ZNF804B: variants seen among roughly 807,000 people sequenced by gnomAD.
ZNF804B encodes zinc finger protein 804B.
In ZNF804B, 80 loss-of-function variants were observed where a neutral mutation model predicts 101.4. That is an observed-to-expected ratio of 0.79 (90% CI 0.66 to 0.95). The LOEUF is 0.95. Ranked by LOEUF, ZNF804B falls within the 40% of genes least tolerant of loss-of-function variation. ZNF804B has a pLI of 0.00. For missense variants in ZNF804B, 1,673 were observed against 1,561.9 expected (o/e 1.07, Z -1.20); for synonymous variants, 622 against 558.8 (o/e 1.11, Z -1.59).
intron 1 of ZNF804B, among the ~76,000 whole-genome samples, chr7:88,761,891 C>A (rs1789903044): frequency 6.6e-6 from 1 of 152,162 alleles, no homozygotes; most frequent in Non-Finnish European, 1.5e-5. Context: ...TTCTCTCCCA[C>A]TTTGGTCAGT....
intron 1 of ZNF804B, among the ~76,000 whole-genome samples, chr7:89,147,479 T>G (rs563624466): frequency 3.9e-5 from 6 of 152,092 alleles, no homozygotes; most frequent in Non-Finnish European, 8.8e-5. Context: ...TAAATCATTG[T>G]TTTAAATTAT....
chr7:89,335,747 C>T lies in ZNF804B; in HGVS notation c.2765C>T (p.Pro922Leu), dbSNP rs139821721. The change falls in exon 4 of 4, where the codon CCT (proline) becomes CTT (leucine). Residue 922 changes from proline to leucine, a missense_variant. Physicochemically the swap from Pro to Leu is moderately conservative, Grantham distance 98. Coordinates refer to ENST00000333190, the MANE Select transcript of ZNF804B (RefSeq NM_181646.5). ...ESNTAEGERTPLTAKILLERV... is the reference protein window; with the variant it reads ...ESNTAEGERTLLTAKILLERV... ...AACACTGCAGAAGGAGAGAGGACCCCTCTAACAGCAAAAATCCTTTTAGAA... is the reference window on the plus strand; with the variant it reads ...AACACTGCAGAAGGAGAGAGGACCCTTCTAACAGCAAAAATCCTTTTAGAA... 1.8e-4 allele frequency: 285 copies of T among 1,613,836 alleles called. No individual in the cohort carries two copies. The highest frequency in any genetic ancestry group is 8.0e-5 in the Non-Finnish European group (94 of 1,179,944).
At chr7:88,802,760 A>G (rs1421083309) in intron 1 of ZNF804B, among the ~76,000 whole-genome samples, 2 of 152,136 alleles carry the variant, frequency 1.3e-5, no homozygotes, top group East Asian at 3.9e-4. Context: ...GTGCTAAGGC[A>G]GAACATTGTG....
At chr7:88,864,778 C>A (rs189006323) in intron 1 of ZNF804B, among the ~76,000 whole-genome samples, 1 of 152,262 alleles carries the variant, frequency 6.6e-6, no homozygotes, top group Admixed American at 6.5e-5. Flanking sequence ...CAGGGGCCCA[C>A]AGGGTCAGTT....
At chr7:89,221,696 A>T (rs572093273) in intron 2 of ZNF804B, among the ~76,000 whole-genome samples, 55 of 57,296 alleles carry the variant, frequency 9.6e-4, no homozygotes, top group African/African-American at 4.1e-3. Context: ...CAATATTTCT[A>T]TTCTATTCTA....
chr7:88,811,081 CTAAA>C (rs1790778237), intron 1 of ZNF804B, among the ~76,000 whole-genome samples: 1 of 151,722 alleles, frequency 6.6e-6, no homozygotes, highest in Non-Finnish European at 1.5e-5. Flanking sequence ...AAAAAACAGA[CTAAA>C]TAGATACTAG....
intron 1 of ZNF804B, among the ~76,000 whole-genome samples, chr7:88,926,723 G>A (rs1428051783): frequency 6.6e-6 from 1 of 152,084 alleles, no homozygotes; most frequent in African/African-American, 2.4e-5. Flanking sequence ...TTCTTAGCTA[G>A]TGTTTCCTAA....
intron 1 of ZNF804B, among the ~76,000 whole-genome samples, chr7:88,931,704 G>T (rs913610322): frequency 3.3e-5 from 5 of 151,696 alleles, no homozygotes; most frequent in African/African-American, 7.3e-5. Flanking sequence ...AGTCCAGTCA[G>T]ATCTTGCTTA....
chr7:88,939,723 A>G (rs1428797196), intron 1 of ZNF804B, among the ~76,000 whole-genome samples: 2 of 151,944 alleles, frequency 1.3e-5, no homozygotes. Context: ...ATATAATAGG[A>G]AAACGATAAT....
At chr7:88,782,257 T>C (rs1790240653) in intron 1 of ZNF804B, among the ~76,000 whole-genome samples, 1 of 151,918 alleles carries the variant, frequency 6.6e-6, no homozygotes, top group Non-Finnish European at 1.5e-5. Flanking sequence ...GAAAAGTCCA[T>C]GGGCAGCTCT....
At chr7:89,279,195 T>C (rs1790039316) in intron 2 of ZNF804B, among the ~76,000 whole-genome samples, 1 of 152,112 alleles carries the variant, frequency 6.6e-6, no homozygotes, top group African/African-American at 2.4e-5. Flanking sequence ...TTTTGCACAT[T>C]GATTTTGTAT....
At chr7:88,941,673 TATAATG>T (rs1562838897) in intron 1 of ZNF804B, among the ~76,000 whole-genome samples, 1 of 151,948 alleles carries the variant, frequency 6.6e-6, no homozygotes, top group African/African-American at 2.4e-5. Flanking sequence ...TTGTATAATA[TATAATG>T]GTAGGTACAT....
At chr7:88,865,936 G>T (rs1373395340) in intron 1 of ZNF804B, among the ~76,000 whole-genome samples, 1 of 152,104 alleles carries the variant, frequency 6.6e-6, no homozygotes, top group South Asian at 2.1e-4. Context: ...TATCACATTG[G>T]TTTAATATGG....
chr7:89,046,057 C>T (rs1376503904), intron 1 of ZNF804B, among the ~76,000 whole-genome samples: 1 of 151,996 alleles, frequency 6.6e-6, no homozygotes, highest in African/African-American at 2.4e-5. Flanking sequence ...AGACGTTACC[C>T]CCATGCTATT....
intron 1 of ZNF804B, among the ~76,000 whole-genome samples, chr7:88,963,249 ACTTC>A (rs1469802086): frequency 1.3e-5 from 2 of 151,324 alleles, no homozygotes; most frequent in Non-Finnish European, 3.0e-5. Flanking sequence ...AGAGACTCAT[ACTTC>A]CTGATTTAAA....
intron 1 of ZNF804B, among the ~76,000 whole-genome samples, chr7:88,874,533 A>G (rs1380909323): frequency 6.6e-6 from 1 of 152,206 alleles, no homozygotes; most frequent in South Asian, 2.1e-4. Context: ...GAGAGAGAGC[A>G]TCCCTGTCTT....
intron 1 of ZNF804B, among the ~76,000 whole-genome samples, chr7:89,154,935 G>T (rs1400229335): frequency 6.6e-6 from 1 of 151,858 alleles, no homozygotes; most frequent in African/African-American, 2.4e-5. Flanking sequence ...ATAAATGCTT[G>T]AGAGGATGGA....
rs140963294 is a variant in ZNF804B, at chr7:88,968,458, T to C, written c.108+208374T>C. Among the ~76,000 whole-genome samples the C allele has an allele frequency of 2.0e-3, 308 of 151,754 alleles. 1 individual carries two copies. Among genetic ancestry groups the C allele is most frequent in the African/African-American group, 7.3e-3 (303 of 41,490 alleles). ...CATTCTCAACACTTTGCTCTCTTAC[T>C]ATCCTGATGGATCCATCCACGTTCC... On this transcript the variant is annotated intron_variant, in intron 1 of 3. Transcript: ENST00000333190.
intron 1 of ZNF804B, among the ~76,000 whole-genome samples, chr7:89,145,974 A>C (rs1264902666): frequency 3.9e-5 from 6 of 152,094 alleles, no homozygotes; most frequent in Non-Finnish European, 5.9e-5. Flanking sequence ...CATGATACCA[A>C]AATGAACTGA....
Sources: gnomAD v4.1 joint callset for allele counts (sites outside exome capture counted in the v4.1 genomes callset) on GRCh38, gnomAD v4.1.1 for gene constraint, MANE v1.5 for transcripts, NCBI Gene and HGNC (gene_info 2026-07-23, HGNC 2026-07-21) for gene names.